Variants in GRPR observed in about 807,000 individuals in gnomAD.
GRPR encodes gastrin releasing peptide receptor, also known as gastrin-releasing peptide receptor.
Under a neutral mutation model 15.6 loss-of-function variants are expected in GRPR, and 4 were observed. The observed-to-expected ratio is 0.26, with a 90% CI of 0.13 to 0.59. The LOEUF is 0.59. Among genes scored for constraint, GRPR ranks in the 20% least tolerant of loss-of-function variants. The pLI, the probability that GRPR is intolerant of heterozygous loss-of-function variation, is 0.90. For synonymous variants in GRPR, 128 were observed against 126.8 expected (o/e 1.01, Z -0.06); for missense variants, 270 against 304.1 (o/e 0.89, Z 0.83).
chrX:16,142,467 C>T (rs980240285), intron 1 of GRPR, among the ~76,000 whole-genome samples: 2 of 110,660 alleles, frequency 1.8e-5, no homozygotes, highest in African/African-American at 6.6e-5. Context: ...GTGCAAACAT[C>T]CTCACCTTTC....
intron 1 of GRPR, among the ~76,000 whole-genome samples, chrX:16,148,493 G>A (rs1213434070): frequency 9.0e-6 from 1 of 111,185 alleles, no homozygotes; most frequent in Non-Finnish European, 1.9e-5. Context: ...ACCAATGGAG[G>A]TCTAATCAAC....
chrX:16,134,645 A>G (rs957045916), intron 1 of GRPR, among the ~76,000 whole-genome samples: 14 of 110,876 alleles, frequency 1.3e-4, no homozygotes, highest in African/African-American at 4.6e-4. Context: ...AGGCATCTCA[A>G]CTAAAAGCCT....
intron 1 of GRPR, among the ~76,000 whole-genome samples, chrX:16,146,977 T>G (rs2147036298): frequency 8.9e-6 from 1 of 111,916 alleles, no homozygotes; most frequent in East Asian, 2.8e-4. Context: ...AATGTCTACC[T>G]ATTGGAGTTG....
chrX:16,144,530 C>T (rs759359434), intron 1 of GRPR, among the ~76,000 whole-genome samples: 7 of 111,827 alleles, frequency 6.3e-5, no homozygotes, highest in Non-Finnish European at 1.1e-4. Flanking sequence ...ATGCTGGATC[C>T]TTAAAAATAA....
At chrX:16,149,339 G>C (rs766068925) in intron 1 of GRPR, among the ~76,000 whole-genome samples, 1 of 111,072 alleles carries the variant, frequency 9.0e-6, no homozygotes, top group South Asian at 3.8e-4. Context: ...CACAGGTATT[G>C]CTCCTCAATA....
rs991715844 is a variant in GRPR at position 16,147,622 on chromosome X, A to C, written c.414-2683A>C. ...AATCTAGAGGCTTAATTAGATTTAG[A>C]TTCAAATTAATTTTCTAGTAAAACT... is the stretch of plus-strand genomic sequence containing the variant. On this transcript the variant is annotated intron_variant, in intron 1 of 2. Coordinates refer to ENST00000380289, the MANE Select transcript of GRPR (RefSeq NM_005314.3). Among the ~76,000 whole-genome samples the C allele has an allele frequency of 4.9e-4, 55 of 112,349 alleles. No individual in the cohort carries two copies. In the East Asian group the frequency reaches 8.9e-3, roughly 18 times the overall value.
intron 1 of GRPR, among the ~76,000 whole-genome samples, chrX:16,145,707 C>A (rs1922595325): frequency 8.9e-6 from 1 of 112,062 alleles, no homozygotes; most frequent in African/African-American, 3.2e-5. Context: ...ATACCCCATT[C>A]TACATGATGT....
intron 1 of GRPR, among the ~76,000 whole-genome samples, chrX:16,134,120 A>C (rs1922415902): frequency 9.0e-6 from 1 of 111,729 alleles, no homozygotes; most frequent in African/African-American, 3.2e-5. Context: ...GAAGTATTTT[A>C]AGCACAATTT....
Position 16,152,477 on chromosome X carries a change from C to G in GRPR, c.987C>G (p.Phe329Leu). Residue 329 changes from phenylalanine to leucine, a missense_variant, in exon 3 of 3, where the codon TTC becomes TTG. Around this residue, in one of 3 missense-constraint regions of GRPR, gnomAD observed 133 missense variants for 123.4 expected, o/e 1.08. Transcript: ENST00000380289. ...CCCTCTACCTGCTGAGCAAGAGTTT[C>G]AGGAAACAGTTCAACACTCAGCTGC... ...PFALYLLSKS[F>L]RKQFNTQLLC... The G allele has an allele frequency of 8.3e-7, 1 of 1,210,475 alleles. No homozygotes were observed. The highest frequency in any genetic ancestry group is 1.1e-6 in the Non-Finnish European group (1 of 894,210).
chrX:16,152,291 G>GGT lies in GRPR; in HGVS notation c.804_805dup (p.Phe269CysfsTer50). 8.3e-7 allele frequency: 1 copy of GGT among 1,206,148 alleles called. No homozygotes were observed. Reference sequence around the variant, plus strand: ...GGAAGCGACTTGCCAAGACAGTGCTGGTGTTTGTGGGCCTGTTCGCCTTCT... The same window carrying GGT: ...GGAAGCGACTTGCCAAGACAGTGCTGGTGTGTTTGTGGGCCTGTTCGCCTTCT... On this transcript the variant is annotated frameshift_variant, in exon 3 of 3. Transcript: ENST00000380289. LOFTEE classifies it high-confidence loss of function.
chrX:16,140,926 TC>T (rs962905710), intron 1 of GRPR, among the ~76,000 whole-genome samples: 6 of 111,925 alleles, frequency 5.4e-5, no homozygotes, highest in Admixed American at 1.9e-4. Flanking sequence ...TTTGTTTTTT[TC>T]CCCCGTTCTC....
At chrX:16,138,430 C>T (rs375891510) in intron 1 of GRPR, among the ~76,000 whole-genome samples, 1 of 112,100 alleles carries the variant, frequency 8.9e-6, no homozygotes, top group African/African-American at 3.2e-5. Context: ...TATATCAAAA[C>T]ATGACATGCA....
At chrX:16,147,444 C>G (rs1316214732) in intron 1 of GRPR, among the ~76,000 whole-genome samples, 1 of 111,419 alleles carries the variant, frequency 9.0e-6, no homozygotes, top group African/African-American at 3.3e-5. Context: ...CAGTCTATAA[C>G]CATTCTCTCA....
chrX:16,126,876 G>C (rs1922301947), intron 1 of GRPR, among the ~76,000 whole-genome samples: 1 of 111,756 alleles, frequency 8.9e-6, no homozygotes, highest in African/African-American at 3.3e-5. Context: ...TTTAGTTTGG[G>C]GATGATGATA....
chrX:16,131,412 A>G (rs937216491), intron 1 of GRPR, among the ~76,000 whole-genome samples: 4 of 112,109 alleles, frequency 3.6e-5, no homozygotes, highest in African/African-American at 9.7e-5. Context: ...TTCCTTGGCC[A>G]CTGAATCTGA....
intron 1 of GRPR, among the ~76,000 whole-genome samples, chrX:16,139,660 T>C (rs2147033773): frequency 8.9e-6 from 1 of 111,776 alleles, no homozygotes; most frequent in African/African-American, 3.3e-5. Context: ...TATCTTTAGC[T>C]CTGTTTCACA....
chrX:16,151,374 G>A (rs989435984), intron 2 of GRPR, among the ~76,000 whole-genome samples: 1 of 111,945 alleles, frequency 8.9e-6, no homozygotes, highest in Non-Finnish European at 1.9e-5. Context: ...CTTTGTCAGT[G>A]CTTGCCTTCT....
Position 16,152,588 on chromosome X carries a change from C to T in GRPR, c.1098C>T (p.Pro366=), listed in dbSNP as rs1328843077. 3 of 1,208,809 alleles carry T rather than the reference C, an allele frequency of 2.5e-6. No homozygotes were observed. Among genetic ancestry groups the T allele is most frequent in the Non-Finnish European group, 3.4e-6 (3 of 892,673 alleles). The change falls in exon 3 of 3, where the codon CCC becomes CCT. Residue 366 remains proline, a synonymous_variant. Transcript: ENST00000380289. Reference sequence around the variant, plus strand: ...TGACCTCCCTCAAGAGTACCAACCCCTCCGTGGCCACCTTTAGCCTCATCA... The same window carrying T: ...TGACCTCCCTCAAGAGTACCAACCCTTCCGTGGCCACCTTTAGCCTCATCA... ...TCMTSLKSTN[P]SVATFSLING...
At chrX:16,126,762 G>A (rs1033886412) in intron 1 of GRPR, among the ~76,000 whole-genome samples, 14 of 111,878 alleles carry the variant, frequency 1.3e-4, no homozygotes, top group Non-Finnish European at 2.1e-4. Flanking sequence ...GTATTAATAC[G>A]TGTAACAGTG....
Sources: gnomAD v4.1 joint callset for allele counts (sites outside exome capture counted in the v4.1 genomes callset) on GRCh38, gnomAD v4.1.1 for gene constraint, gnomAD v4.1.1 regional missense constraint, MANE v1.5 for transcripts, NCBI Gene and HGNC (gene_info 2026-07-23, HGNC 2026-07-21) for gene names.